KCNH1: variants seen among roughly 807,000 people sequenced by gnomAD.
KCNH1 encodes potassium voltage-gated channel subfamily H member 1, also known as voltage-gated delayed rectifier potassium channel KCNH1.
Under a neutral mutation model 69.2 loss-of-function variants are expected in KCNH1, and 27 were observed. The observed-to-expected ratio is 0.39, with a 90% confidence interval of 0.29 to 0.54. KCNH1 has a LOEUF of 0.54. Ranked by LOEUF, KCNH1 falls within the 20% of genes least tolerant of loss-of-function variation. KCNH1 has a pLI of 0.68. For synonymous variants in KCNH1, 456 were observed against 487.7 expected (o/e 0.93, Z 0.86); for missense variants, 798 against 1,261.6 (o/e 0.63, Z 5.57).
chr1:211,037,227 G>A (rs915716298), intron 5 of KCNH1, among the ~76,000 whole-genome samples: 1 of 152,118 alleles, frequency 6.6e-6, no homozygotes, highest in Non-Finnish European at 1.5e-5. Flanking sequence ...GTCATGCAAG[G>A]GGTGAGTAAG....
chr1:210,922,890 C>T (rs1367193465), intron 6 of KCNH1, among the ~76,000 whole-genome samples: 1 of 152,172 alleles, frequency 6.6e-6, no homozygotes, highest in Non-Finnish European at 1.5e-5. Context: ...ACCTACTCTC[C>T]ACCTCCTCAT....
At chr1:210,968,700 C>T (rs996063456) in intron 6 of KCNH1, among the ~76,000 whole-genome samples, 5 of 151,924 alleles carry the variant, frequency 3.3e-5, no homozygotes, top group Non-Finnish European at 5.9e-5. Context: ...CCTTCGCCCA[C>T]TTTTTGATGG....
At chr1:211,108,583 A>T (rs927545394) in intron 1 of KCNH1, 7 of 152,228 alleles carry the variant, frequency 4.6e-5, no homozygotes, top group African/African-American at 1.7e-4. Flanking sequence ...ATTCCACTTC[A>T]TGCAGACACC....
rs115938595 is a variant in KCNH1 at position 211,027,293 on chromosome 1, A to T, written c.559-8037T>A. On this transcript the variant is annotated intron_variant, in intron 5 of 10. Coordinates refer to ENST00000271751, the MANE Select transcript of KCNH1 (RefSeq NM_172362.3). ...AAAATGTAATAACGAATATAAAAAA[A>T]ATCCAATGGATAGGCTCAAAAGCAA... is the stretch of plus-strand genomic sequence containing the variant. Among the ~76,000 whole-genome samples, 763 of 152,310 alleles carry T rather than the reference A, an allele frequency of 5.0e-3. 8 individuals are homozygous for T. The highest frequency in any genetic ancestry group is 0.017 in the African/African-American group (727 of 41,578).
intron 7 of KCNH1, among the ~76,000 whole-genome samples, chr1:210,822,810 G>A (rs938332144): frequency 3.9e-5 from 6 of 152,048 alleles, no homozygotes; most frequent in African/African-American, 1.4e-4. Flanking sequence ...TCTCTCCAAG[G>A]TTCTCCTCTG....
intron 5 of KCNH1, among the ~76,000 whole-genome samples, chr1:211,070,428 A>ACACCC (rs1289542011): frequency 8.8e-6 from 1 of 114,180 alleles, no homozygotes; most frequent in South Asian, 2.8e-4. Flanking sequence ...TAAAAAAAAA[A>ACACCC]AAACACACAC....
intron 5 of KCNH1, among the ~76,000 whole-genome samples, chr1:211,078,095 A>G (rs1269837487): frequency 6.6e-6 from 1 of 152,226 alleles, no homozygotes; most frequent in African/African-American, 2.4e-5. Flanking sequence ...TTCACCCAAT[A>G]CAGGAGCACC....
intron 1 of KCNH1, among the ~76,000 whole-genome samples, chr1:211,128,000 G>A (rs929981262): frequency 2.0e-5 from 3 of 152,166 alleles, no homozygotes; most frequent in African/African-American, 7.2e-5. Context: ...CAGTGAAAAT[G>A]CATCAACAGG....
chr1:210,922,374 A>G (rs1471560469), intron 6 of KCNH1, among the ~76,000 whole-genome samples: 2 of 110,676 alleles, frequency 1.8e-5, no homozygotes, highest in Non-Finnish European at 3.4e-5. Context: ...ACAGAGCGAG[A>G]CTCCGTCTCA....
chr1:210,792,682 A>T (rs936114138), intron 9 of KCNH1, among the ~76,000 whole-genome samples: 8 of 142,692 alleles, frequency 5.6e-5, no homozygotes, highest in African/African-American at 2.0e-4. Flanking sequence ...TTGCCCCAAG[A>T]AAATTAAAAA....
chr1:211,018,926 C>T lies in KCNH1; in HGVS notation c.889G>A (p.Val297Met), dbSNP rs759855987. Reference sequence around the variant, plus strand: ...GGCAAACAGGACAGAAGGTCAATCACAAACCACGTCTTCAGGTAGTTCATG... The same window carrying T: ...GGCAAACAGGACAGAAGGTCAATCATAAACCACGTCTTCAGGTAGTTCATG... ...IRMNYLKTWF[V>M]IDLLSCLPYD... Residue 297 changes from valine (V) to methionine (M), a missense_variant, in exon 6 of 11, where the codon GTG becomes ATG. By Grantham distance (21) the Val-to-Met change is conservative. Around this residue, in one of 4 missense-constraint regions of KCNH1, gnomAD observed 266 missense variants for 457.2 expected, o/e 0.58. Transcript: ENST00000271751. 39 of 1,613,960 alleles carry T rather than the reference C, an allele frequency of 2.4e-5. No homozygotes were observed. Among genetic ancestry groups the T allele is most frequent in the Non-Finnish European group, 3.1e-5 (36 of 1,179,970 alleles).
chr1:210,683,064 G>T lies in KCNH1; in HGVS notation c.*217C>A. 2 of 610,522 alleles carry T rather than the reference G, an allele frequency of 3.3e-6. No individual in the cohort carries two copies. Among genetic ancestry groups the T allele is most frequent in the Non-Finnish European group, 5.8e-6 (2 of 342,982 alleles). 37.8% of individuals were successfully genotyped at this position (610,522 alleles called of 1,614,324 possible). A position where few individuals can be genotyped will look rare whatever the true frequency, so the allele number is the denominator to read the frequency against. On this transcript the variant is annotated 3_prime_UTR_variant, in exon 11 of 11. Transcript: ENST00000271751. This position sits in a 1 kb window ranked among gnomAD's most constrained non-coding sequence, Gnocchi z 5.7. Reference sequence around the variant, plus strand: ...CTTCTTCCAAAATTGTGCAAAGACGGTTCAGATGCAGCTGCCACCTTGCAG... The same window carrying T: ...CTTCTTCCAAAATTGTGCAAAGACGTTTCAGATGCAGCTGCCACCTTGCAG...
chr1:210,852,830 C>G (rs1685737201), intron 7 of KCNH1, among the ~76,000 whole-genome samples: 1 of 152,278 alleles, frequency 6.6e-6, no homozygotes, highest in Non-Finnish European at 1.5e-5. Flanking sequence ...TCTTAGATAT[C>G]CCATTAAGAA....
At chr1:210,730,233 A>C (rs1682711229) in intron 10 of KCNH1, among the ~76,000 whole-genome samples, 2 of 152,212 alleles carry the variant, frequency 1.3e-5, no homozygotes, top group Admixed American at 6.5e-5. Context: ...GCCGGCAGGA[A>C]CTATTGCTGC....
At chr1:210,763,297 G>T (rs868853531) in intron 10 of KCNH1, among the ~76,000 whole-genome samples, 1 of 151,796 alleles carries the variant, frequency 6.6e-6, no homozygotes, top group African/African-American at 2.4e-5. Flanking sequence ...AGAAACATTC[G>T]CCCTAAGAAC....
chr1:210,880,770 C>T (rs1307470926), intron 7 of KCNH1, among the ~76,000 whole-genome samples: 4 of 151,980 alleles, frequency 2.6e-5, no homozygotes, highest in Admixed American at 2.6e-4. Context: ...GTCAAAGACA[C>T]TGTCAAGAGA....
In KCNH1 at chr1:211,102,762, A is replaced by G. The variant is rs986751554; in HGVS notation, c.310+734T>C. On this transcript the variant is annotated intron_variant, in intron 3 of 10. Coordinates refer to ENST00000271751, the MANE Select transcript of KCNH1 (RefSeq NM_172362.3). ...ATAAGGACCACCCCGGAGTTGTTCA[A>G]TTGAATCAATTTCCTACCAGTCAAT... is the stretch of plus-strand genomic sequence containing the variant. Among the ~76,000 whole-genome samples the G allele has an allele frequency of 7.9e-5, 12 of 152,352 alleles. No individual in the cohort carries two copies. The South Asian group carries it at 1.7e-3, about 21-fold the overall frequency.
chr1:210,891,501 G>C (rs1185595664), intron 7 of KCNH1, among the ~76,000 whole-genome samples: 3 of 150,880 alleles, frequency 2.0e-5, no homozygotes, highest in Non-Finnish European at 4.4e-5. Context: ...TAACAAAACT[G>C]CACATTGTGC....
chr1:211,060,202 A>G (rs1290886378), intron 5 of KCNH1, among the ~76,000 whole-genome samples: 1 of 152,018 alleles, frequency 6.6e-6, no homozygotes, highest in African/African-American at 2.4e-5. Context: ...TGGAAACATA[A>G]CATACCAAAA....
Sources: allele counts gnomAD v4.1 joint callset (sites outside exome capture counted in the v4.1 genomes callset), GRCh38; gene constraint gnomAD v4.1.1; regional missense constraint gnomAD v4.1.1; non-coding constraint Gnocchi (gnomAD v3.1); transcripts MANE v1.5; gene names NCBI Gene and HGNC (gene_info 2026-07-23, HGNC 2026-07-21).